The following DPH5 variants were observed in gnomAD, a reference collection of about 807,000 sequenced individuals.
DPH5 encodes the protein diphthine methyl ester synthase.
Under a neutral mutation model 31.6 loss-of-function variants are expected in DPH5, and 31 were observed. The ratio of observed to expected loss-of-function variants is 0.98; its 90% CI spans 0.74 to 1.32. The LOEUF is 1.32. DPH5 is among the 40% of genes most tolerant of loss of function. The pLI is 0.00. For missense variants in DPH5, 309 were observed against 335.7 expected, an observed-to-expected ratio of 0.92 and a Z score of 0.62; for synonymous variants, 120 against 115.0, an observed-to-expected ratio of 1.04 and a Z score of -0.28.
At chr1:101,008,909 A>AT (rs1436354744) in intron 4 of DPH5, among the ~76,000 whole-genome samples, 2 of 152,146 alleles carry the variant, frequency 1.3e-5, no homozygotes, top group African/African-American at 4.8e-5. Flanking sequence ...GTTTTAGAAC[A>AT]TTTTTCATCA....
intron 5 of DPH5, among the ~76,000 whole-genome samples, chr1:100,997,427 G>A (rs1266074034): frequency 2.0e-5 from 3 of 151,934 alleles, no homozygotes; most frequent in Non-Finnish European, 4.4e-5. Flanking sequence ...GTGCAGTGGT[G>A]CAATCTCAGC....
chr1:101,009,091 G>T (rs1169493264), intron 4 of DPH5, among the ~76,000 whole-genome samples: 1 of 152,090 alleles, frequency 6.6e-6, no homozygotes, highest in Non-Finnish European at 1.5e-5. Flanking sequence ...TAACATACAT[G>T]TATTTAATAC....
At chr1:101,020,514 G>A (rs993169355) in intron 3 of DPH5, among the ~76,000 whole-genome samples, 7 of 151,528 alleles carry the variant, frequency 4.6e-5, no homozygotes, top group Admixed American at 4.0e-4. Flanking sequence ...TCTCTCCTAA[G>A]CTGATTCTAT....
intron 4 of DPH5, among the ~76,000 whole-genome samples, chr1:101,012,400 A>G (rs1225711176): frequency 6.6e-6 from 1 of 151,838 alleles, no homozygotes; most frequent in Non-Finnish European, 1.5e-5. Context: ...GAAACTAAGA[A>G]CCCATGACTG....
At chr1:101,005,578 T>A (rs1659170306) in intron 4 of DPH5, among the ~76,000 whole-genome samples, 1 of 152,220 alleles carries the variant, frequency 6.6e-6, no homozygotes, top group African/African-American at 2.4e-5. Context: ...AGATTTATTC[T>A]CACACATAAA....
At chr1:101,016,898 GAA>G (rs1660121980) in intron 3 of DPH5, among the ~76,000 whole-genome samples, 1 of 152,168 alleles carries the variant, frequency 6.6e-6, no homozygotes, top group South Asian at 2.1e-4. Context: ...GGAGGCCCAA[GAA>G]GAGAGAGAGA....
At chr1:100,994,508 A>G (rs749918565) in intron 6 of DPH5, among the ~76,000 whole-genome samples, 2 of 151,790 alleles carry the variant, frequency 1.3e-5, no homozygotes, top group Non-Finnish European at 1.5e-5. Context: ...AGAGCACTCA[A>G]CTAGAGGCAG....
chr1:100,998,142 T>C (rs1269962324), intron 5 of DPH5, among the ~76,000 whole-genome samples: 1 of 152,166 alleles, frequency 6.6e-6, no homozygotes, highest in Non-Finnish European at 1.5e-5. Flanking sequence ...TTGCAAATAT[T>C]GGCATAAGAC....
Position 101,013,753 on chromosome 1 carries a change from T to A in DPH5, c.326A>T (p.His109Leu). 1 of 1,613,152 alleles carries A rather than the reference T, an allele frequency of 6.2e-7. No individual in the cohort carries two copies. Among genetic ancestry groups the A allele is most frequent in the Non-Finnish European group, 8.5e-7 (1 of 1,179,482 alleles). The change falls in exon 4 of 8, where the codon CAC becomes CTC. Residue 109 changes from histidine to leucine, a missense_variant. Transcript: ENST00000370109. ...TACAGCATTCATTATGGAGGCATTG[T>A]GAATAACTCTATAAGGAATTCCCAG... ...TKLGIPYRVIHNASIMNAVGC... is the reference protein window; with the variant it reads ...TKLGIPYRVILNASIMNAVGC...
At chr1:101,010,362 T>A (rs538929950) in intron 4 of DPH5, among the ~76,000 whole-genome samples, 1 of 152,294 alleles carries the variant, frequency 6.6e-6, no homozygotes, top group African/African-American at 2.4e-5. Context: ...ACTGGCTGTG[T>A]GTGTGAATGT....
Position 101,025,773 on chromosome 1 carries a change from T to G in DPH5, c.-114A>C. On this transcript the variant is annotated 5_prime_UTR_variant, in exon 1 of 8. Coordinates refer to ENST00000370109, the MANE Select transcript of DPH5 (RefSeq NM_015958.3). ...AGCAACTGCAAAAGCGCCGGCTCCGTGCAGAGAAAAGGCCCACGCCGCCGG... is the reference window on the plus strand; with the variant it reads ...AGCAACTGCAAAAGCGCCGGCTCCGGGCAGAGAAAAGGCCCACGCCGCCGG... 1.8e-5 allele frequency: 5 copies of G among 272,288 alleles called. No individual in the cohort carries two copies. In the South Asian group the frequency reaches 2.2e-4, roughly 12 times the overall value. The allele number at this position is 272,288 out of a possible 1,614,324, so 16.9% of individuals were successfully genotyped here.
chr1:101,021,564 TAAATG>T, intron 3 of DPH5, 72 bp downstream of exon 3: 1 of 1,463,560 alleles, frequency 6.8e-7, no homozygotes, highest in South Asian at 1.3e-5. Flanking sequence ...GTAAAAGTGT[TAAATG>T]CAATAGAATA....
Position 100,990,336 on chromosome 1 carries a change from TG to T in DPH5, c.*71del, listed in dbSNP as rs1406618969. Reference sequence around the variant, plus strand: ...ATTAAAATTCAAGATGAGACTTGGGTGGGGATACATCCAAACCATATCAATC... The same window carrying T: ...ATTAAAATTCAAGATGAGACTTGGGTGGGATACATCCAAACCATATCAATC... On this transcript the variant is annotated 3_prime_UTR_variant, in exon 8 of 8. Transcript: ENST00000370109. 3.6e-6 allele frequency: 5 copies of T among 1,378,602 alleles called. No homozygotes were observed. In the Admixed American group the frequency reaches 5.1e-5, roughly 14 times the overall value. 85.4% of individuals were successfully genotyped at this position (1,378,602 alleles called of 1,614,324 possible).
intron 6 of DPH5, among the ~76,000 whole-genome samples, chr1:100,993,379 C>T (rs1461812287): frequency 2.6e-5 from 4 of 151,018 alleles, no homozygotes; most frequent in East Asian, 1.9e-4. Flanking sequence ...GGTGAAACTC[C>T]GTCTCTACTA....
chr1:101,001,306 GTCTC>G (rs540226105), intron 5 of DPH5, among the ~76,000 whole-genome samples, 157 bp downstream of exon 5: 1 of 152,202 alleles, frequency 6.6e-6, no homozygotes, highest in Non-Finnish European at 1.5e-5. Flanking sequence ...GAAGATGCGT[GTCTC>G]TCTAAGAGCA....
chr1:101,022,632 T>C (rs1190516630), intron 2 of DPH5, among the ~76,000 whole-genome samples: 2 of 152,140 alleles, frequency 1.3e-5, no homozygotes, highest in Non-Finnish European at 2.9e-5. Context: ...ACTGGATGCA[T>C]AGATAAATAA....
chr1:101,014,540 A>G (rs1659931050), intron 3 of DPH5, among the ~76,000 whole-genome samples: 1 of 152,190 alleles, frequency 6.6e-6, no homozygotes, highest in Admixed American at 6.5e-5. Context: ...TCTTTTTGCT[A>G]GTGGATGGTC....
intron 4 of DPH5, among the ~76,000 whole-genome samples, chr1:101,002,290 C>G (rs1348502233): frequency 1.3e-5 from 2 of 152,196 alleles, no homozygotes; most frequent in East Asian, 3.8e-4. Flanking sequence ...ACTGGCTGAA[C>G]TAGCTCACTT....
intron 3 of DPH5, among the ~76,000 whole-genome samples, chr1:101,016,460 T>C (rs1359352943): frequency 4.6e-5 from 7 of 151,220 alleles, no homozygotes; most frequent in Non-Finnish European, 7.4e-5. Flanking sequence ...TTTTTTTTTT[T>C]TTGACACGGA....
Sources: gnomAD v4.1 joint callset for allele counts (sites outside exome capture counted in the v4.1 genomes callset) on GRCh38, gnomAD v4.1.1 for gene constraint, MANE v1.5 for transcripts, NCBI Gene and HGNC (gene_info 2026-07-23, HGNC 2026-07-21) for gene names.